GRID2: variants seen among roughly 807,000 people sequenced by gnomAD.
The protein encoded by GRID2 is glutamate receptor ionotropic, delta-2.
GRID2 carries 33 observed loss-of-function variants against 114.8 expected under a neutral mutation model. The ratio of observed to expected loss-of-function variants is 0.29; its 90% CI spans 0.22 to 0.38. The LOEUF (loss-of-function observed/expected upper bound fraction) is 0.38, where lower values mean the gene tolerates loss of function less well. Ranked by LOEUF, GRID2 falls within the 10% of genes least tolerant of loss-of-function variation. The probability of loss-of-function intolerance (pLI) is 1.00; values close to 1 mark genes in which losing one functional copy is unlikely to be tolerated. For missense variants in GRID2, 1,184 were observed against 1,257.7 expected (o/e 0.94, Z 0.89); for synonymous variants, 505 against 449.9 (o/e 1.12, Z -1.55).
At chr4:93,115,418 C>A (rs1301485220) in intron 4 of GRID2, among the ~76,000 whole-genome samples, 3 of 151,820 alleles carry the variant, frequency 2.0e-5, no homozygotes, top group Non-Finnish European at 4.4e-5. Flanking sequence ...CACACACACA[C>A]ACACATTTTT....
intron 1 of GRID2, among the ~76,000 whole-genome samples, chr4:92,346,371 T>C (rs1727762190): frequency 6.6e-6 from 1 of 152,134 alleles, no homozygotes; most frequent in Non-Finnish European, 1.5e-5. Flanking sequence ...CTTTTTTTGT[T>C]TTGTTTTGTT....
At chr4:92,866,005 A>T (rs1406041044) in intron 2 of GRID2, among the ~76,000 whole-genome samples, 1 of 152,230 alleles carries the variant, frequency 6.6e-6, no homozygotes, top group East Asian at 1.9e-4. Flanking sequence ...AAAATGGAGA[A>T]GACATGTAAG....
intron 8 of GRID2, chr4:93,258,821 A>G (rs913113943): frequency 1.4e-5 from 6 of 439,898 alleles, no homozygotes; most frequent in African/African-American, 8.1e-5. Context: ...TATTCTTTCT[A>G]TAAACAACAT....
At chr4:92,940,987 T>C (rs1382967601) in intron 2 of GRID2, among the ~76,000 whole-genome samples, 1 of 152,188 alleles carries the variant, frequency 6.6e-6, no homozygotes, top group Non-Finnish European at 1.5e-5. Context: ...TTATTGAGGA[T>C]TTTTGCATTG....
intron 2 of GRID2, among the ~76,000 whole-genome samples, chr4:92,661,859 A>G (rs1291180089): frequency 6.6e-6 from 1 of 151,078 alleles, no homozygotes; most frequent in East Asian, 1.9e-4. Flanking sequence ...CTAATGTCCA[A>G]GGGTAAATGC....
At chr4:93,287,828 T>A (rs760758215) in intron 8 of GRID2, among the ~76,000 whole-genome samples, 1 of 152,174 alleles carries the variant, frequency 6.6e-6, no homozygotes, top group Non-Finnish European at 1.5e-5. Context: ...AGGCAATACC[T>A]AGATGGGATT....
chr4:93,620,878 C>G (rs567875312), intron 13 of GRID2, among the ~76,000 whole-genome samples: 1 of 152,094 alleles, frequency 6.6e-6, no homozygotes, highest in Admixed American at 6.5e-5. Context: ...TTTCAGTTAC[C>G]AGAATATTTG....
chr4:93,243,045 G>A lies in GRID2; in HGVS notation c.1245+4555G>A, dbSNP rs185317980. 2.6e-4 allele frequency among the ~76,000 whole-genome samples: 40 copies of A among 152,034 alleles called. No homozygotes were observed. The East Asian group carries it at 2.9e-3, about 11-fold the overall frequency. On this transcript the variant is annotated intron_variant, in intron 8 of 15. Transcript: ENST00000282020. ...TGTTCTGTGAGCTGGCACTATAGAG[G>A]TATTATGAAAGGCACTATAAATATT...
chr4:92,730,187 T>C (rs929042447), intron 2 of GRID2, among the ~76,000 whole-genome samples: 8 of 152,100 alleles, frequency 5.3e-5, no homozygotes, highest in South Asian at 2.1e-4. Context: ...CTTGGGATAA[T>C]ATACTCCTCA....
intron 2 of GRID2, among the ~76,000 whole-genome samples, chr4:92,967,004 T>C (rs760113317): frequency 2.0e-5 from 3 of 151,922 alleles, no homozygotes; most frequent in African/African-American, 4.8e-5. Flanking sequence ...TATGCAATTC[T>C]CCTTGATTCA....
At chr4:92,367,295 A>C (rs560176973) in intron 1 of GRID2, among the ~76,000 whole-genome samples, 1 of 152,228 alleles carries the variant, frequency 6.6e-6, no homozygotes, top group African/African-American at 2.4e-5. Flanking sequence ...ATAATGGGAA[A>C]GAGAACAATG....
chr4:92,717,978 C>T (rs1464497626), intron 2 of GRID2, among the ~76,000 whole-genome samples: 1 of 152,006 alleles, frequency 6.6e-6, no homozygotes, highest in Non-Finnish European at 1.5e-5. Context: ...ATAAGGATCC[C>T]ATTTTTCATA....
intron 2 of GRID2, among the ~76,000 whole-genome samples, chr4:92,643,350 C>A (rs1329365673): frequency 6.6e-6 from 1 of 151,416 alleles, no homozygotes; most frequent in Non-Finnish European, 1.5e-5. Context: ...AGCAATCAGG[C>A]AAGAGAAGGA....
intron 8 of GRID2, among the ~76,000 whole-genome samples, chr4:93,239,418 A>G (rs1179615454): frequency 6.6e-6 from 1 of 150,520 alleles, no homozygotes; most frequent in East Asian, 1.9e-4. Flanking sequence ...CAGAGCTGGT[A>G]ACTGTAAATT....
chr4:93,083,695 CAAAAAAA>C (rs34205612), intron 2 of GRID2, among the ~76,000 whole-genome samples: 4 of 75,772 alleles, frequency 5.3e-5, no homozygotes, highest in Non-Finnish European at 7.9e-5. Context: ...GACTCCATCT[CAAAAAAA>C]AAAAAAAAAA....
chr4:93,204,532 G>T (rs549133671), intron 4 of GRID2, among the ~76,000 whole-genome samples: 13 of 152,094 alleles, frequency 8.5e-5, no homozygotes, highest in Non-Finnish European at 1.3e-4. Context: ...CTATCTCCTT[G>T]CTGACCCTAA....
At chr4:93,605,781 G>A (rs534173511) in intron 13 of GRID2, among the ~76,000 whole-genome samples, 58 of 152,262 alleles carry the variant, frequency 3.8e-4, no homozygotes, top group African/African-American at 1.4e-3. Context: ...ACATGGCATA[G>A]AACAAAGTCA....
intron 8 of GRID2, among the ~76,000 whole-genome samples, chr4:93,394,042 AT>A (rs1243259393): frequency 1.3e-5 from 2 of 152,026 alleles, no homozygotes; most frequent in African/African-American, 4.8e-5. Flanking sequence ...CACCAATATT[AT>A]TTGGTCTAGG....
intron 8 of GRID2, among the ~76,000 whole-genome samples, chr4:93,300,295 T>C (rs1027011953): frequency 6.6e-6 from 1 of 152,282 alleles, no homozygotes; most frequent in South Asian, 2.1e-4. Context: ...TGATCCATAG[T>C]TATTGAATCT....
Sources: allele counts gnomAD v4.1 joint callset (sites outside exome capture counted in the v4.1 genomes callset), GRCh38; gene constraint gnomAD v4.1.1; transcripts MANE v1.5; gene names NCBI Gene and HGNC (gene_info 2026-07-23, HGNC 2026-07-21).